Variants in FER1L6 observed in about 807,000 individuals in gnomAD.
FER1L6 encodes the protein fer-1 like family member 6.
FER1L6 carries 177 observed loss-of-function variants against 219.2 expected under a neutral mutation model. The ratio of observed to expected loss-of-function variants is 0.81; its 90% CI spans 0.71 to 0.91. FER1L6 has a LOEUF of 0.91. FER1L6 is among the 40% of genes least tolerant of loss of function. The probability of loss-of-function intolerance (pLI) is 0.00; values close to 1 mark genes in which losing one functional copy is unlikely to be tolerated. For synonymous variants in FER1L6, 768 were observed against 824.3 expected, an observed-to-expected ratio of 0.93 and a Z score of 1.17; for missense variants, 2,153 against 2,259.9, an observed-to-expected ratio of 0.95 and a Z score of 0.96.
At chr8:124,016,932 A>T (rs796835573) in intron 15 of FER1L6, among the ~76,000 whole-genome samples, 12 of 152,294 alleles carry the variant, frequency 7.9e-5, no homozygotes, top group African/African-American at 2.2e-4. Context: ...GGTGCTATCA[A>T]ATAGCCTCTA....
At chr8:123,902,983 C>T (rs560386913) in intron 1 of FER1L6, among the ~76,000 whole-genome samples, 3 of 152,132 alleles carry the variant, frequency 2.0e-5, no homozygotes, top group Admixed American at 6.5e-5. Context: ...TAGCAGTCCT[C>T]GTGGTTGTTT....
Position 124,057,981 on chromosome 8 carries a change from CTT to C in FER1L6, c.2875-2198_2875-2197del, listed in dbSNP as rs1461111720. 1.9e-4 allele frequency among the ~76,000 whole-genome samples: 28 copies of C among 150,174 alleles called. No homozygotes were observed. In the East Asian group the frequency reaches 3.3e-3, roughly 18 times the overall value. ...TGAGTCTTTCTTCGCTTAGTTTCTTCTTGTTAATCACATTGTCTTATCTCTGT... is the reference window on the plus strand; with the variant it reads ...TGAGTCTTTCTTCGCTTAGTTTCTTCGTTAATCACATTGTCTTATCTCTGT... On this transcript the variant is annotated intron_variant, in intron 22 of 40. Coordinates refer to ENST00000522917, the MANE Select transcript of FER1L6 (RefSeq NM_001039112.2).
chr8:123,985,915 T>C (rs1387093349), intron 11 of FER1L6, 153 bp from the exon 12 acceptor site: 2 of 597,270 alleles, frequency 3.3e-6, no homozygotes, highest in African/African-American at 1.9e-5. Context: ...GATTCATACA[T>C]GTCTTATTTG....
intron 1 of FER1L6, among the ~76,000 whole-genome samples, chr8:123,908,152 A>T (rs187154174): frequency 6.6e-6 from 1 of 152,358 alleles, no homozygotes; most frequent in African/African-American, 2.4e-5. Flanking sequence ...ATGGGGAAGT[A>T]ACTCATAAAA....
intron 18 of FER1L6, among the ~76,000 whole-genome samples, chr8:124,033,262 T>C (rs1461269016): frequency 6.6e-6 from 1 of 152,184 alleles, no homozygotes; most frequent in Non-Finnish European, 1.5e-5. Context: ...ATTCCTTTCT[T>C]TATGAATTGA....
intron 15 of FER1L6, among the ~76,000 whole-genome samples, chr8:124,014,754 AG>A (rs1818103453): frequency 6.6e-6 from 1 of 152,234 alleles, no homozygotes; most frequent in African/African-American, 2.4e-5. Flanking sequence ...ATATAAAAAA[AG>A]ATAAAAAATA....
intron 15 of FER1L6, among the ~76,000 whole-genome samples, chr8:124,016,651 G>C (rs1180989827): frequency 6.6e-6 from 1 of 152,058 alleles, no homozygotes; most frequent in Non-Finnish European, 1.5e-5. Context: ...TGCTCAGCAG[G>C]TTGCCTTTTC....
chr8:123,916,103 C>T (rs2129795072), intron 1 of FER1L6, among the ~76,000 whole-genome samples: 1 of 152,300 alleles, frequency 6.6e-6, no homozygotes, highest in Admixed American at 6.5e-5. Flanking sequence ...GACCCAGGGT[C>T]AAAGCTGCCT....
At chr8:123,940,728 C>A (rs111605653) in intron 1 of FER1L6, among the ~76,000 whole-genome samples, 7 of 152,272 alleles carry the variant, frequency 4.6e-5, no homozygotes, top group African/African-American at 1.7e-4. Flanking sequence ...AGAAAATTCC[C>A]AAACTTTATC....
chr8:124,099,706 G>A (rs1048270286), intron 37 of FER1L6, among the ~76,000 whole-genome samples: 1 of 152,086 alleles, frequency 6.6e-6, no homozygotes, highest in African/African-American at 2.4e-5. Context: ...ACCCTTCAAT[G>A]ACATCTCATT....
At chr8:124,037,172 T>C (rs1819255885) in intron 19 of FER1L6, among the ~76,000 whole-genome samples, 1 of 152,236 alleles carries the variant, frequency 6.6e-6, no homozygotes, top group African/African-American at 2.4e-5. Context: ...CTCCCTGGTG[T>C]TGTGCAGTGC....
At chr8:123,903,544 A>G (rs1186391237) in intron 1 of FER1L6, among the ~76,000 whole-genome samples, 2 of 152,206 alleles carry the variant, frequency 1.3e-5, no homozygotes, top group African/African-American at 2.4e-5. Context: ...TCCACACTGA[A>G]AATCAGTCAG....
intron 19 of FER1L6, chr8:124,036,141 AC>A (rs1479383041): frequency 2.6e-5 from 4 of 152,110 alleles, no homozygotes; most frequent in African/African-American, 9.7e-5. Context: ...CTGCAGTTTT[AC>A]CTTCATTTCT....
At chr8:124,018,421 CA>C (rs1818299881) in intron 16 of FER1L6, among the ~76,000 whole-genome samples, 1 of 152,144 alleles carries the variant, frequency 6.6e-6, no homozygotes, top group African/African-American at 2.4e-5. Flanking sequence ...AACTGTAATC[CA>C]AAAACTAAAA....
chr8:123,979,711 A>T (rs1816237666), intron 10 of FER1L6, among the ~76,000 whole-genome samples: 1 of 152,178 alleles, frequency 6.6e-6, no homozygotes. Flanking sequence ...ACCCTAGTTC[A>T]AGACGCTGGT....
chr8:123,870,964 A>G (rs1267683332), intron 1 of FER1L6, among the ~76,000 whole-genome samples: 3 of 152,212 alleles, frequency 2.0e-5, no homozygotes, highest in East Asian at 1.9e-4. Flanking sequence ...TTTGGTTGAT[A>G]AAGTTGTTTC....
intron 1 of FER1L6, among the ~76,000 whole-genome samples, chr8:123,945,103 G>T (rs1179914326): frequency 6.6e-6 from 1 of 152,150 alleles, no homozygotes; most frequent in Non-Finnish European, 1.5e-5. Context: ...AATCTTTATT[G>T]TGTTCCCTGA....
At chr8:123,898,076 A>G (rs1812775795) in intron 1 of FER1L6, among the ~76,000 whole-genome samples, 1 of 152,208 alleles carries the variant, frequency 6.6e-6, no homozygotes, top group African/African-American at 2.4e-5. Context: ...ATGTAATTGT[A>G]TTCAAAATAT....
intron 12 of FER1L6, among the ~76,000 whole-genome samples, chr8:123,989,135 C>T (rs1363295715): frequency 6.6e-6 from 1 of 152,032 alleles, no homozygotes; most frequent in Non-Finnish European, 1.5e-5. Context: ...TATTGATTTG[C>T]GTACATTGAA....
Sources: gnomAD v4.1 joint callset for allele counts (sites outside exome capture counted in the v4.1 genomes callset) on GRCh38, gnomAD v4.1.1 for gene constraint, MANE v1.5 for transcripts, NCBI Gene and HGNC (gene_info 2026-07-23, HGNC 2026-07-21) for gene names.